Variants in HNF1A observed in about 807,000 individuals in gnomAD.
HNF1A encodes the protein hepatocyte nuclear factor 1-alpha.
In HNF1A, 21 loss-of-function variants were observed where a neutral mutation model predicts 62.2. That is an observed-to-expected ratio of 0.34 (90% CI 0.24 to 0.49). The LOEUF (loss-of-function observed/expected upper bound fraction) is 0.49. HNF1A is among the 20% of genes least tolerant of loss of function. HNF1A has a pLI of 0.99. For missense variants in HNF1A, 687 were observed against 832.3 expected (o/e 0.83, Z 2.15); for synonymous variants, 374 against 366.8 (o/e 1.02, Z -0.22).
At chr12:120,988,713 C>T (rs1565883417) in intron 1 of HNF1A, 120 bp from the exon 2 acceptor site, 2 of 878,514 alleles carry the variant, frequency 2.3e-6, no homozygotes, top group Admixed American at 2.0e-5. Context: ...GGCTCCATAA[C>T]TGCTTTCATG....
chr12:120,981,946 G>T (rs762144434), intron 1 of HNF1A, among the ~76,000 whole-genome samples: 1 of 152,196 alleles, frequency 6.6e-6, no homozygotes. Flanking sequence ...TGCCCTGTTG[G>T]TCAGGGCCCA....
chr12:120,999,145 T>A, intron 7 of HNF1A, 123 bp from the exon 8 acceptor site: 1 of 1,211,708 alleles, frequency 8.3e-7, no homozygotes, highest in Admixed American at 1.7e-5. Flanking sequence ...GCCCTGGATC[T>A]CCAACTGCTG....
rs1876933176 is a variant in HNF1A, at chr12:120,993,577, C to T, written c.584C>T (p.Pro195Leu). Residue 195 changes from proline to leucine, a missense_variant, in exon 3 of 10, where the codon CCA becomes CTA. Physicochemically the swap from Pro to Leu is moderately conservative, Grantham distance 98. Transcript: ENST00000257555. ...LIEEPTGDEL[P>L]TKKGRRNRFK... ...GAAGAGCCCACAGGTGATGAGCTAC[C>T]AACCAAGAAGGGGCGGAGGAACCGT... 1 of 1,614,146 alleles carries T rather than the reference C, an allele frequency of 6.2e-7. No homozygotes were observed. The highest frequency in any genetic ancestry group is 1.1e-5 in the South Asian group (1 of 91,088).
chr12:120,979,075 G>A lies in HNF1A; in HGVS notation c.307G>A (p.Val103Met), dbSNP rs367839639. 5 of 1,610,700 alleles carry A rather than the reference G, an allele frequency of 3.1e-6. No individual in the cohort carries two copies. The highest frequency in any genetic ancestry group is 2.2e-5 in the East Asian group (1 of 44,802). Residue 103 changes from valine to methionine, a missense_variant, in exon 1 of 10, where the codon GTG becomes ATG. Val to Met is a conservative substitution (Grantham distance 21). This residue lies in a region of HNF1A where 159 missense variants were observed against 154.4 expected (regional missense o/e 1.03). Transcript: ENST00000257555. ...SPEEAAHQKA[V>M]VETLLQEDPW... ...TGAGGAGGCGGCCCACCAGAAAGCC[G>A]TGGTGGAGACCCTTCTGCAGTAAGG...
At chr12:120,988,726 C>A in intron 1 of HNF1A, 107 bp from the exon 2 acceptor site, 2 of 993,678 alleles carry the variant, frequency 2.0e-6, no homozygotes, top group Non-Finnish European at 3.1e-6. Flanking sequence ...CTTTCATGCA[C>A]AGTCCCCACC....
intron 1 of HNF1A, among the ~76,000 whole-genome samples, chr12:120,985,009 G>A (rs1016308541): frequency 2.7e-5 from 4 of 149,406 alleles, no homozygotes; most frequent in Admixed American, 6.7e-5. Context: ...GCAGTGGCGC[G>A]ATCACAGCTC....
In HNF1A at chr12:120,999,623, C is replaced by A; in HGVS notation, c.1764C>A (p.Pro588=). Residue 588 remains proline, a synonymous_variant, in exon 9 of 10, where the codon CCC becomes CCA. Transcript: ENST00000257555. ...CGGCCCACCGGCTCAGCGCCAGCCCCACAGGTGAGAGGCCCTGGCTCCACC... is the reference window on the plus strand; with the variant it reads ...CGGCCCACCGGCTCAGCGCCAGCCCAACAGGTGAGAGGCCCTGGCTCCACC... ...LQPAHRLSAS[P]TVSSSSLVLY... is the part of the protein sequence containing the mutation. 1 of 1,609,992 alleles carries A rather than the reference C, an allele frequency of 6.2e-7. No homozygotes were observed. Among genetic ancestry groups the A allele is most frequent in the East Asian group, 2.2e-5 (1 of 44,864 alleles).
At chr12:120,990,230 C>T (rs1022326230) in intron 2 of HNF1A, among the ~76,000 whole-genome samples, 2 of 152,120 alleles carry the variant, frequency 1.3e-5, no homozygotes, top group Non-Finnish European at 2.9e-5. Context: ...CAAGCTCCGC[C>T]TTCCGGGTTC....
At chr12:120,987,010 TC>T (rs1876544105) in intron 1 of HNF1A, among the ~76,000 whole-genome samples, 1 of 151,946 alleles carries the variant, frequency 6.6e-6, no homozygotes, top group Admixed American at 6.6e-5. Flanking sequence ...TCCCTTCTGT[TC>T]CCCCACAGGG....
intron 9 of HNF1A, among the ~76,000 whole-genome samples, chr12:120,999,936 AC>A (rs1326799623): frequency 6.6e-6 from 1 of 151,478 alleles, no homozygotes; most frequent in African/African-American, 2.4e-5. Context: ...GCCAGAAGCG[AC>A]TCTTGCATGT....
chr12:120,988,715 G>A (rs1876660167), intron 1 of HNF1A, 118 bp from the exon 2 acceptor site: 4 of 889,178 alleles, frequency 4.5e-6, no homozygotes. Context: ...CTCCATAACT[G>A]CTTTCATGCA....
Position 120,997,116 on chromosome 12 carries a change from A to C in HNF1A, c.1310-358A>C. ...TGCAGGTACAATTATGCAGAAGCCC[A>C]GTACATAAGATAGATAAGGAGCTGC... On this transcript the variant is annotated intron_variant, in intron 6 of 9. Coordinates refer to ENST00000257555, the MANE Select transcript of HNF1A (RefSeq NM_000545.8). 2.9e-6 allele frequency: 4 copies of C among 1,403,084 alleles called. No individual in the cohort carries two copies. The African/African-American group carries it at 5.8e-5, about 20-fold the overall frequency. The allele number at this position is 1,403,084 out of a possible 1,614,324, so 86.9% of individuals were successfully genotyped here. A position where few individuals can be genotyped will look rare whatever the true frequency, so the allele number is the denominator to read the frequency against.
rs980203027 is a variant in HNF1A, at chr12:121,001,668, C to A, written c.*476C>A. 4 of 462,426 alleles carry A rather than the reference C, an allele frequency of 8.7e-6. No individual in the cohort carries two copies. Among genetic ancestry groups the A allele is most frequent in the Non-Finnish European group, 1.7e-5 (4 of 239,648 alleles). The allele number at this position is 462,426 out of a possible 1,614,324, so 28.6% of individuals were successfully genotyped here. The stretch of plus-strand genomic sequence containing the variant: ...CTTGTTCTGTCACCAATGTACCCAC[C>A]GGGCCACTCCTTCCTGCCCCAACTC... On this transcript the variant is annotated 3_prime_UTR_variant, in exon 10 of 10. Transcript: ENST00000257555.
At chr12:120,979,339 G>A (rs1876132884) in intron 1 of HNF1A, among the ~76,000 whole-genome samples, 1 of 152,192 alleles carries the variant, frequency 6.6e-6, no homozygotes, top group African/African-American at 2.4e-5. Flanking sequence ...CAGTCCTTGG[G>A]CAAGGGGGAC....
chr12:120,999,162 C>T (rs373390755), intron 7 of HNF1A, 106 bp from the exon 8 acceptor site: 1 of 1,366,250 alleles, frequency 7.3e-7, no homozygotes, highest in Non-Finnish European at 1.0e-6. Flanking sequence ...GCTGCCCAGT[C>T]TGGCTGTTCA....
intron 9 of HNF1A, among the ~76,000 whole-genome samples, chr12:121,000,180 G>A (rs1459068795): frequency 6.6e-6 from 1 of 152,172 alleles, no homozygotes. Flanking sequence ...CCATTGTCAG[G>A]AGTGGGCACT....
Position 121,002,468 on chromosome 12 carries a change from C to G in HNF1A, c.*1276C>G, listed in dbSNP as rs776099614. On this transcript the variant is annotated 3_prime_UTR_variant, in exon 10 of 10. Transcript: ENST00000257555. ...TTGTAGCCAGCCGGGGCGAGTGGCA[C>G]GTTTATTTAACTTTTAGTAAAGTCA... The G allele has an allele frequency of 1.9e-6, 1 of 523,992 alleles. No homozygotes were observed. Among genetic ancestry groups the G allele is most frequent in the South Asian group, 1.5e-5 (1 of 65,166 alleles). The allele number at this position is 523,992 out of a possible 1,614,324, so 32.5% of individuals were successfully genotyped here. A position where few individuals can be genotyped will look rare whatever the true frequency, so the allele number is the denominator to read the frequency against.
chr12:120,983,292 C>T (rs1174018854), intron 1 of HNF1A, among the ~76,000 whole-genome samples: 1 of 152,192 alleles, frequency 6.6e-6, no homozygotes, highest in Non-Finnish European at 1.5e-5. Flanking sequence ...TCCACAAATT[C>T]AGCACTTACT....
chr12:120,999,766 C>G (rs552480687), intron 9 of HNF1A, 139 bp downstream of exon 9: 2 of 1,184,692 alleles, frequency 1.7e-6, no homozygotes, highest in East Asian at 5.2e-5. Context: ...CACTGGCAGG[C>G]GTGGAGGGGT....
Sources: allele counts gnomAD v4.1 joint callset (sites outside exome capture counted in the v4.1 genomes callset), GRCh38; gene constraint gnomAD v4.1.1; regional missense constraint gnomAD v4.1.1; transcripts MANE v1.5; gene names NCBI Gene and HGNC (gene_info 2026-07-23, HGNC 2026-07-21).